The following CHCHD3 variants were observed in gnomAD, a reference collection of about 807,000 sequenced individuals.
CHCHD3 encodes coiled-coil-helix-coiled-coil-helix domain containing 3.
In CHCHD3, 20 loss-of-function variants were observed where a neutral mutation model predicts 38.2. The ratio of observed to expected loss-of-function variants is 0.52; its 90% CI spans 0.37 to 0.76. The LOEUF (loss-of-function observed/expected upper bound fraction) is 0.76. Among genes scored for constraint, CHCHD3 ranks in the 30% least tolerant of loss-of-function variants. The pLI is 0.00. For synonymous variants in CHCHD3, 82 were observed against 100.0 expected (o/e 0.82, Z 1.07); for missense variants, 245 against 279.2 (o/e 0.88, Z 0.87).
rs768889129 is a variant in CHCHD3 at position 132,838,497 on chromosome 7, T to G, written c.454-28A>C. The stretch of plus-strand genomic sequence containing the variant: ...GTGGACAAAGATTGATAGCAAAGGT[T>G]TCACTATCCAAGATGACAAAATGTG... On this transcript the variant is annotated intron_variant, in intron 5 of 7. Coordinates refer to ENST00000262570, the MANE Select transcript of CHCHD3 (RefSeq NM_017812.4). 3 of 1,520,196 alleles carry G rather than the reference T, an allele frequency of 2.0e-6. No individual in the cohort carries two copies. In the South Asian group the frequency reaches 3.5e-5, roughly 18 times the overall value. The allele number at this position is 1,520,196 out of a possible 1,614,324, so 94.2% of individuals were successfully genotyped here. A position where few individuals can be genotyped will look rare whatever the true frequency, so the allele number is the denominator to read the frequency against.
At chr7:132,857,803 C>A (rs1808379185) in intron 5 of CHCHD3, among the ~76,000 whole-genome samples, 1 of 152,190 alleles carries the variant, frequency 6.6e-6, no homozygotes, top group African/African-American at 2.4e-5. Flanking sequence ...GCCACTCAAT[C>A]CCACTGGGTC....
At chr7:132,990,943 G>GACACACAAACACACACACACACAC (rs1201876742) in intron 3 of CHCHD3, among the ~76,000 whole-genome samples, 1 of 79,426 alleles carries the variant, frequency 1.3e-5, no homozygotes, top group African/African-American at 5.0e-5. Context: ...CCCCTACACA[G>GACACACAAACACACACACACACAC]ACACACATAC....
At chr7:132,864,636 T>C (rs1399897401) in intron 5 of CHCHD3, among the ~76,000 whole-genome samples, 7 of 152,258 alleles carry the variant, frequency 4.6e-5, no homozygotes, top group African/African-American at 1.4e-4. Flanking sequence ...CTGTGATTTG[T>C]CCATCTGGCA....
intron 4 of CHCHD3, among the ~76,000 whole-genome samples, chr7:132,895,288 T>G (rs1199272543): frequency 6.6e-6 from 1 of 152,242 alleles, no homozygotes; most frequent in African/African-American, 2.4e-5. Flanking sequence ...CTTGGCACTA[T>G]CAACAATTTG....
At chr7:132,814,814 A>C (rs927513136) in intron 6 of CHCHD3, among the ~76,000 whole-genome samples, 1 of 152,186 alleles carries the variant, frequency 6.6e-6, no homozygotes, top group Non-Finnish European at 1.5e-5. Context: ...AGAGGTATGT[A>C]ATGGCTGTGG....
At chr7:132,949,232 C>T (rs1432384937) in intron 4 of CHCHD3, among the ~76,000 whole-genome samples, 1 of 152,024 alleles carries the variant, frequency 6.6e-6, no homozygotes, top group Non-Finnish European at 1.5e-5. Flanking sequence ...TATTTCCTAG[C>T]TTCCCTTGAT....
intron 4 of CHCHD3, among the ~76,000 whole-genome samples, chr7:132,956,067 T>A (rs1811157331): frequency 6.6e-6 from 1 of 152,220 alleles, no homozygotes; most frequent in South Asian, 2.1e-4. Context: ...TCAGGCTTCA[T>A]CCAGTCAGTT....
At chr7:132,831,716 C>G (rs767838779) in intron 6 of CHCHD3, among the ~76,000 whole-genome samples, 13 of 152,130 alleles carry the variant, frequency 8.5e-5, no homozygotes, top group Non-Finnish European at 1.5e-4. Context: ...GACTATTAAT[C>G]AGAGTAAACT....
intron 3 of CHCHD3, among the ~76,000 whole-genome samples, chr7:132,999,841 G>T (rs976959069): frequency 2.0e-5 from 3 of 152,058 alleles, no homozygotes; most frequent in African/African-American, 7.2e-5. Flanking sequence ...GACACTCAAT[G>T]ATCTATTATT....
chr7:133,070,610 C>G (rs541585590), intron 1 of CHCHD3, among the ~76,000 whole-genome samples: 1 of 152,074 alleles, frequency 6.6e-6, no homozygotes, highest in African/African-American at 2.4e-5. Flanking sequence ...CCTCTAGTCC[C>G]GAAGGAAAGT....
intron 3 of CHCHD3, among the ~76,000 whole-genome samples, chr7:133,000,952 T>C (rs890489687): frequency 6.6e-6 from 1 of 152,218 alleles, no homozygotes; most frequent in Non-Finnish European, 1.5e-5. Context: ...TAGGTATTTC[T>C]ATTCCAAAAC....
intron 4 of CHCHD3, among the ~76,000 whole-genome samples, chr7:132,941,367 C>T (rs1350167674): frequency 4.6e-5 from 7 of 152,140 alleles, no homozygotes; most frequent in African/African-American, 1.7e-4. Context: ...AGCTACATGA[C>T]ACTGAGGTGC....
chr7:132,878,442 TGAGAGA>T (rs1249745411), intron 5 of CHCHD3, among the ~76,000 whole-genome samples: 7 of 152,184 alleles, frequency 4.6e-5, no homozygotes, highest in African/African-American at 1.7e-4. Flanking sequence ...CTGCCATAAG[TGAGAGA>T]CTTTTAAAAA....
At chr7:132,841,660 T>A (rs1330696119) in intron 5 of CHCHD3, among the ~76,000 whole-genome samples, 1 of 152,150 alleles carries the variant, frequency 6.6e-6, no homozygotes, top group Non-Finnish European at 1.5e-5. Flanking sequence ...CCACTGATGA[T>A]CTCCGAGTGG....
intron 2 of CHCHD3, among the ~76,000 whole-genome samples, chr7:133,027,911 T>G (rs1443562094): frequency 6.6e-6 from 1 of 152,184 alleles, no homozygotes; most frequent in Non-Finnish European, 1.5e-5. Flanking sequence ...TTTGGATAAA[T>G]CAGTTAATCT....
At chr7:132,831,697 G>T (rs1807655589) in intron 6 of CHCHD3, among the ~76,000 whole-genome samples, 1 of 152,190 alleles carries the variant, frequency 6.6e-6, no homozygotes, top group Non-Finnish European at 1.5e-5. Flanking sequence ...ACTTCTAGAA[G>T]AATTTTAAGA....
At chr7:133,039,210 C>G (rs1813760684) in intron 2 of CHCHD3, among the ~76,000 whole-genome samples, 1 of 152,158 alleles carries the variant, frequency 6.6e-6, no homozygotes, top group African/African-American at 2.4e-5. Context: ...TGTGGGTATT[C>G]TATCTCAATA....
chr7:132,853,191 G>A lies in CHCHD3; in HGVS notation c.454-14722C>T, dbSNP rs548339798. ...GATGAAACAACTCCGACTGACCGCT[G>A]CAGAGTGACAAGCAAAAGCCTTAAT... On this transcript the variant is annotated intron_variant, in intron 5 of 7. Transcript: ENST00000262570. Among the ~76,000 whole-genome samples the A allele has an allele frequency of 2.6e-5, 4 of 152,320 alleles. No individual in the cohort carries two copies. In the South Asian group the frequency reaches 8.3e-4, roughly 32 times the overall value.
At chr7:133,011,140 G>C (rs550417865) in intron 3 of CHCHD3, among the ~76,000 whole-genome samples, 2 of 152,170 alleles carry the variant, frequency 1.3e-5, no homozygotes, top group Non-Finnish European at 2.9e-5. Flanking sequence ...CGATGTGGCC[G>C]AAGTGTTCAA....
Sources: allele counts gnomAD v4.1 joint callset (sites outside exome capture counted in the v4.1 genomes callset), GRCh38; gene constraint gnomAD v4.1.1; transcripts MANE v1.5; gene names NCBI Gene and HGNC (gene_info 2026-07-23, HGNC 2026-07-21).